CFI: variants seen among roughly 807,000 people sequenced by gnomAD.
The protein encoded by CFI is complement factor I.
Under a neutral mutation model 78.8 loss-of-function variants are expected in CFI, and 66 were observed. The ratio of observed to expected loss-of-function variants is 0.84; its 90% CI spans 0.69 to 1.03. The LOEUF is 1.03. Ranked by LOEUF, CFI falls within the 50% of genes least tolerant of loss-of-function variation. The probability of loss-of-function intolerance (pLI) is 0.00; values close to 1 mark genes in which losing one functional copy is unlikely to be tolerated. For missense variants in CFI, 706 were observed against 704.5 expected, an observed-to-expected ratio of 1.00 and a Z score of -0.02; for synonymous variants, 250 against 232.6, an observed-to-expected ratio of 1.07 and a Z score of -0.68.
intron 1 of CFI, among the ~76,000 whole-genome samples, chr4:109,796,645 T>A (rs1008281643): frequency 1.3e-5 from 2 of 152,028 alleles, no homozygotes; most frequent in African/African-American, 4.8e-5. Context: ...CTACAAAAAA[T>A]AAAATTAGTT....
At chr4:109,740,655 T>C (rs1723671797), downstream of CFI, 4 of 531,152 alleles carry the variant, frequency 7.5e-6, no homozygotes, top group Non-Finnish European at 1.4e-5. Flanking sequence ...CACTCCCGCA[T>C]TGAGATAATT....
At chr4:109,799,015 C>A (rs1300813702) in intron 1 of CFI, among the ~76,000 whole-genome samples, 1 of 152,082 alleles carries the variant, frequency 6.6e-6, no homozygotes, top group African/African-American at 2.4e-5. Flanking sequence ...TCTACCTTAG[C>A]CTTCACTTCA....
At chr4:109,761,099 G>A (rs1445947340) in intron 4 of CFI, among the ~76,000 whole-genome samples, 1 of 152,172 alleles carries the variant, frequency 6.6e-6, no homozygotes, top group Non-Finnish European at 1.5e-5. Flanking sequence ...TCCAGTGTCA[G>A]GAAGGAGGAG....
intron 1 of CFI, among the ~76,000 whole-genome samples, chr4:109,789,830 G>A (rs10049638): frequency 0.011 from 1,668 of 152,132 alleles, 21 homozygotes; most frequent in African/African-American, 0.038. Context: ...TTGGCCTCGC[G>A]GAATGCATAG....
chr4:109,732,576 G>A, the CFI span, among the ~76,000 whole-genome samples: 1 of 152,126 alleles, frequency 6.6e-6, no homozygotes, highest in African/African-American at 2.4e-5. Context: ...TCAAGGTGAT[G>A]GCCGGGTGCG....
chr4:109,774,449 G>C (rs1579261668), intron 1 of CFI, among the ~76,000 whole-genome samples: 1 of 152,150 alleles, frequency 6.6e-6, no homozygotes, highest in South Asian at 2.1e-4. Context: ...ATGGTCAGAG[G>C]AGATAGCAAG....
chr4:109,765,540 G>C (rs553403635), intron 2 of CFI, among the ~76,000 whole-genome samples: 1 of 152,204 alleles, frequency 6.6e-6, no homozygotes, highest in Non-Finnish European at 1.5e-5. Flanking sequence ...GTGAGGTCCA[G>C]CTTGTCAACA....
chr4:109,776,369 T>C (rs1729241173), intron 1 of CFI, among the ~76,000 whole-genome samples: 1 of 152,126 alleles, frequency 6.6e-6, no homozygotes, highest in African/African-American at 2.4e-5. Context: ...AGAAAGGGTA[T>C]CAATGATTGA....
At position 109,767,110 on chromosome 4, in the gene CFI, C is replaced by T. The variant is rs183311185; in HGVS notation, c.58-286G>A. Among the ~76,000 whole-genome samples the T allele has an allele frequency of 1.1e-3, 161 of 152,310 alleles. 1 individual carries two copies. The highest frequency in any genetic ancestry group is 3.8e-3 in the African/African-American group (157 of 41,556). ...AAGCTGAAACTGGATCCCTTCCTTA[C>T]ACCTTATACAGAAATTAATTCAAGA... is the stretch of plus-strand genomic sequence containing the variant. On this transcript the variant is annotated intron_variant, in intron 1 of 12. Coordinates refer to ENST00000394634, the MANE Select transcript of CFI (RefSeq NM_000204.5).
At chr4:109,767,111 A>G (rs1727865206) in intron 1 of CFI, among the ~76,000 whole-genome samples, 1 of 152,212 alleles carries the variant, frequency 6.6e-6, no homozygotes, top group African/African-American at 2.4e-5. Context: ...CCTTCCTTAC[A>G]CCTTATACAG....
In CFI at chr4:109,766,791, T is replaced by G. The variant is rs140888912; in HGVS notation, c.91A>C (p.Lys31Gln). 18 of 1,614,044 alleles carry G rather than the reference T, an allele frequency of 1.1e-5. No individual in the cohort carries two copies. Among genetic ancestry groups the G allele is most frequent in the Non-Finnish European group, 1.5e-5 (18 of 1,180,034 alleles). ...GTATATTTTTTTGCTAAGCACTTTT[T>G]CTCCACCAGATCCTCTTGAGATGTA... Reference protein sequence around the residue: ...TYTSQEDLVEKKCLAKKYTHL... With the variant: ...TYTSQEDLVEQKCLAKKYTHL... The change falls in exon 2 of 13, where the codon AAA becomes CAA. Residue 31 changes from lysine (K) to glutamine (Q), a missense_variant. Coordinates refer to ENST00000394634, the MANE Select transcript of CFI (RefSeq NM_000204.5).
At chr4:109,766,501 AT>A in intron 2 of CFI, 52 bp downstream of exon 2, 1 of 1,595,740 alleles carries the variant, frequency 6.3e-7, no homozygotes, top group Non-Finnish European at 8.6e-7. Flanking sequence ...AAAGTATGGC[AT>A]ACAAATACCC....
intron 1 of CFI, among the ~76,000 whole-genome samples, chr4:109,777,873 C>T (rs28850032): frequency 0.4 from 61,343 of 151,572 alleles, 13,305 homozygotes; most frequent in Admixed American, 0.53. Context: ...AACCTGCTCC[C>T]GAATGACTAC....
intron 12 of CFI, chr4:109,741,848 T>C (rs1723833346): frequency 6.4e-6 from 1 of 156,138 alleles, no homozygotes; most frequent in African/African-American, 2.4e-5. Context: ...CTAAATGCAC[T>C]ACACTGGCTG....
intron 1 of CFI, among the ~76,000 whole-genome samples, chr4:109,778,111 A>G (rs1264232797): frequency 1.3e-5 from 2 of 152,216 alleles, no homozygotes; most frequent in Non-Finnish European, 2.9e-5. Context: ...AAGCTAGCAG[A>G]AGGCAAGAAA....
At chr4:109,774,293 G>A (rs1728945936) in intron 1 of CFI, among the ~76,000 whole-genome samples, 1 of 152,170 alleles carries the variant, frequency 6.6e-6, no homozygotes, top group Admixed American at 6.5e-5. Context: ...GCTATGTAGG[G>A]TAAGAAAGAT....
intron 1 of CFI, among the ~76,000 whole-genome samples, chr4:109,783,851 G>T (rs1462650025): frequency 8.3e-6 from 1 of 119,898 alleles, no homozygotes. Flanking sequence ...ATACTACTCA[G>T]CCATAAAAAG....
chr4:109,786,917 C>A (rs949596161), intron 1 of CFI, among the ~76,000 whole-genome samples: 1 of 151,942 alleles, frequency 6.6e-6, no homozygotes, highest in Non-Finnish European at 1.5e-5. Flanking sequence ...TATGCTTTAC[C>A]GGGCACAGGG....
At position 109,783,107 on chromosome 4, in the gene CFI, C is replaced by A. The variant is rs1730272439; in HGVS notation, c.58-16283G>T. 2.6e-5 allele frequency among the ~76,000 whole-genome samples: 4 copies of A among 152,140 alleles called. No homozygotes were observed. The South Asian group carries it at 8.3e-4, about 31-fold the overall frequency. ...ATAACATTGGAAAAACCCTTCTAGA[C>A]ATAGGCTTAGGCAAGGATTTCATGA... is the stretch of plus-strand genomic sequence containing the variant. On this transcript the variant is annotated intron_variant, in intron 1 of 12. Coordinates refer to ENST00000394634, the MANE Select transcript of CFI (RefSeq NM_000204.5).
Sources: allele counts gnomAD v4.1 joint callset (sites outside exome capture counted in the v4.1 genomes callset), GRCh38; gene constraint gnomAD v4.1.1; transcripts MANE v1.5; gene names NCBI Gene and HGNC (gene_info 2026-07-23, HGNC 2026-07-21).